Variants in NUP214 observed in about 807,000 individuals in gnomAD.
The protein encoded by NUP214 is nuclear pore complex protein Nup214.
Under a neutral mutation model 196.2 loss-of-function variants are expected in NUP214, and 79 were observed. The ratio of observed to expected loss-of-function variants is 0.40; its 90% CI spans 0.34 to 0.49. NUP214 has a LOEUF of 0.49. Among genes scored for constraint, NUP214 ranks in the 20% least tolerant of loss-of-function variants. The pLI, the probability that NUP214 is intolerant of heterozygous loss-of-function variation, is 0.58. For synonymous variants in NUP214, 1,020 were observed against 990.5 expected (o/e 1.03, Z -0.56); for missense variants, 2,468 against 2,539.0 (o/e 0.97, Z 0.60).
chr9:131,129,159 A>T, intron 3 of NUP214, 120 bp from the exon 4 acceptor site: 1 of 822,628 alleles, frequency 1.2e-6, no homozygotes, highest in Admixed American at 2.7e-5. Context: ...TTTTATGGTT[A>T]TGGAGAAAAA....
At chr9:131,127,480 T>G in intron 1 of NUP214, 44 bp from the exon 2 acceptor site, 1 of 1,506,818 alleles carries the variant, frequency 6.6e-7, no homozygotes, top group Non-Finnish European at 9.1e-7. Flanking sequence ...ATGTTTTAAT[T>G]TCTTTCTTTA....
intron 32 of NUP214, among the ~76,000 whole-genome samples, chr9:131,223,969 C>G (rs1039499525): frequency 1.3e-5 from 2 of 149,324 alleles, no homozygotes; most frequent in Non-Finnish European, 3.0e-5. Flanking sequence ...CTCCTGACCT[C>G]GTGATCCGCC....
Position 131,228,173 on chromosome 9 carries a change from T to A in NUP214, c.5916T>A (p.Ala1972=). 3.1e-6 allele frequency: 5 copies of A among 1,591,644 alleles called. No individual in the cohort carries two copies. The highest frequency in any genetic ancestry group is 4.3e-6 in the Non-Finnish European group (5 of 1,171,812). Residue 1972 remains alanine, a synonymous_variant, in exon 33 of 36, where the codon GCT becomes GCA. Coordinates refer to ENST00000359428, the MANE Select transcript of NUP214 (RefSeq NM_005085.4). ...TGTTTTGCTCAGGTGGCTTCGGTGC[T>A]GCTCCAGTGTTTGGCAGCCCTCCTA... ...SSPNKTGGFG[A]APVFGSPPTF...
chr9:131,149,153 A>C (rs1832177455), intron 14 of NUP214, among the ~76,000 whole-genome samples: 1 of 133,036 alleles, frequency 7.5e-6, no homozygotes, highest in Non-Finnish European at 1.7e-5. Flanking sequence ...CAACCCTTGT[A>C]CCCTAACACA....
At chr9:131,185,934 A>T (rs972255942) in intron 24 of NUP214, among the ~76,000 whole-genome samples, 2 of 152,218 alleles carry the variant, frequency 1.3e-5, no homozygotes, top group African/African-American at 4.8e-5. Flanking sequence ...TTCTGGCTGT[A>T]AAAAATTTTC....
chr9:131,127,209 C>G, intron 1 of NUP214: 1 of 185,276 alleles, frequency 5.4e-6, no homozygotes, highest in Non-Finnish European at 1.1e-5. Context: ...ATAATGAAAC[C>G]CTGTGTCTAC....
At chr9:131,225,419 A>C (rs1479144613) in intron 32 of NUP214, among the ~76,000 whole-genome samples, 1 of 151,782 alleles carries the variant, frequency 6.6e-6, no homozygotes, top group Admixed American at 6.6e-5. Context: ...ACTCTGTCTC[A>C]AAAAAAAGAA....
intron 14 of NUP214, among the ~76,000 whole-genome samples, chr9:131,148,066 A>G (rs1412994927): frequency 6.6e-6 from 1 of 152,244 alleles, no homozygotes; most frequent in Non-Finnish European, 1.5e-5. Flanking sequence ...ACGTACTTGT[A>G]GTCCCAGCTC....
chr9:131,193,402 A>G (rs1231368914), intron 27 of NUP214, among the ~76,000 whole-genome samples: 1 of 152,040 alleles, frequency 6.6e-6, no homozygotes, highest in Non-Finnish European at 1.5e-5. Flanking sequence ...TGATTTTAAT[A>G]TATTTTTTGA....
chr9:131,165,983 G>A (rs1431676634), intron 21 of NUP214, among the ~76,000 whole-genome samples: 1 of 152,152 alleles, frequency 6.6e-6, no homozygotes, highest in Non-Finnish European at 1.5e-5. Flanking sequence ...ATTATTTAAT[G>A]GGTATAGAGT....
chr9:131,219,141 C>T (rs1257275680), intron 31 of NUP214, among the ~76,000 whole-genome samples: 2 of 152,058 alleles, frequency 1.3e-5, no homozygotes, highest in Non-Finnish European at 2.9e-5. Flanking sequence ...GCTCAATGCA[C>T]GTGAGCTAAC....
chr9:131,155,477 A>G (rs965580389), intron 17 of NUP214, among the ~76,000 whole-genome samples: 1 of 152,208 alleles, frequency 6.6e-6, no homozygotes, highest in Non-Finnish European at 1.5e-5. Context: ...TTTGCTGTGC[A>G]GAAGCTTAAT....
At position 131,146,928 on chromosome 9, in the gene NUP214, C is replaced by CA. The variant is rs562513502; in HGVS notation, c.1946-548dup. ...CTGGCGACAGAGCGAGACTCTGTCT[C>CA]AAAAAAAAAAAAAAGTACAGAGGAG... On this transcript the variant is annotated intron_variant, in intron 13 of 35. Coordinates refer to ENST00000359428, the MANE Select transcript of NUP214 (RefSeq NM_005085.4). This position sits in a 1 kb window ranked among gnomAD's most constrained non-coding sequence, Gnocchi z 4.6. Among the ~76,000 whole-genome samples the CA allele has an allele frequency of 0.35, 47,118 of 135,136 alleles. 7,728 individuals are homozygous for CA. The highest frequency in any genetic ancestry group is 0.5 in the East Asian group (2,392 of 4,778). The allele number at this position is 135,136 out of a possible 152,430, so 88.7% of individuals were successfully genotyped here. A position where few individuals can be genotyped will look rare whatever the true frequency, so the allele number is the denominator to read the frequency against.
intron 33 of NUP214, chr9:131,229,096 A>G (rs1834801685): frequency 1.3e-5 from 2 of 153,090 alleles, no homozygotes; most frequent in Admixed American, 1.3e-4. Flanking sequence ...TGGGCTCAGC[A>G]TGAGCTGAAG....
intron 21 of NUP214, chr9:131,167,305 G>C (rs141181117): frequency 6.6e-6 from 1 of 152,224 alleles, no homozygotes; most frequent in South Asian, 2.1e-4. Flanking sequence ...AGATCCATCC[G>C]TGTTGTTGCC....
chr9:131,164,234 T>C, intron 21 of NUP214, 90 bp downstream of exon 21: 10 of 1,111,222 alleles, frequency 9.0e-6, no homozygotes, highest in Non-Finnish European at 1.4e-5. Context: ...TGTGCATGTG[T>C]GAGCTAGGGT....
Sources: gnomAD v4.1 joint callset for allele counts (sites outside exome capture counted in the v4.1 genomes callset) on GRCh38, gnomAD v4.1.1 for gene constraint, Gnocchi (gnomAD v3.1) non-coding constraint, MANE v1.5 for transcripts, NCBI Gene and HGNC (gene_info 2026-07-23, HGNC 2026-07-21) for gene names.